PRDM5: variants seen among roughly 807,000 people sequenced by gnomAD.
PRDM5 encodes the protein PR/SET domain 5, also known as PR domain zinc finger protein 5.
Under a neutral mutation model 81.2 loss-of-function variants are expected in PRDM5, and 56 were observed. That is an observed-to-expected ratio of 0.69 (90% CI 0.56 to 0.86). The LOEUF (loss-of-function observed/expected upper bound fraction) is 0.86, where lower values mean the gene tolerates loss of function less well. PRDM5 is among the 40% of genes least tolerant of loss of function. The probability of loss-of-function intolerance (pLI) is 0.00; values close to 1 mark genes in which losing one functional copy is unlikely to be tolerated. For missense variants in PRDM5, 697 were observed against 770.1 expected, an observed-to-expected ratio of 0.91 and a Z score of 1.12; for synonymous variants, 267 against 256.4, an observed-to-expected ratio of 1.04 and a Z score of -0.39.
At chr4:120,837,098 C>A (rs1237190836) in intron 3 of PRDM5, among the ~76,000 whole-genome samples, 2 of 152,154 alleles carry the variant, frequency 1.3e-5, no homozygotes, top group Non-Finnish European at 2.9e-5. Context: ...AATTGCCATG[C>A]CTGACTGTCA....
intron 2 of PRDM5, among the ~76,000 whole-genome samples, chr4:120,893,077 C>T (rs11723050): frequency 0.43 from 65,332 of 152,090 alleles, 16,068 homozygotes; most frequent in Non-Finnish European, 0.52. Flanking sequence ...ATTAAAGTCC[C>T]CTTGGACTCA....
At chr4:120,739,735 C>G (rs1420751250) in intron 14 of PRDM5, among the ~76,000 whole-genome samples, 1 of 151,526 alleles carries the variant, frequency 6.6e-6, no homozygotes, top group Non-Finnish European at 1.5e-5. Flanking sequence ...ATCTAGCATG[C>G]CTGGACCCAA....
intron 2 of PRDM5, among the ~76,000 whole-genome samples, chr4:120,863,697 G>C (rs1241640402): frequency 6.6e-6 from 1 of 152,098 alleles, no homozygotes. Flanking sequence ...ACTCCATCTA[G>C]CGATCAAATA....
At chr4:120,761,243 C>G (rs779480050) in intron 13 of PRDM5, among the ~76,000 whole-genome samples, 23 of 152,118 alleles carry the variant, frequency 1.5e-4, no homozygotes, top group Non-Finnish European at 2.4e-4. Flanking sequence ...TTTCCAAAGG[C>G]AGCCAGTAGT....
chr4:120,742,635 A>C (rs1035848143), intron 14 of PRDM5, among the ~76,000 whole-genome samples: 4 of 152,248 alleles, frequency 2.6e-5, no homozygotes, highest in African/African-American at 4.8e-5. Flanking sequence ...GAAGAATGCA[A>C]AAGCCTCAGG....
At chr4:120,845,373 G>T (rs895699743) in intron 3 of PRDM5, among the ~76,000 whole-genome samples, 2 of 152,174 alleles carry the variant, frequency 1.3e-5, no homozygotes, top group African/African-American at 4.8e-5. Context: ...GTCTAATGCT[G>T]CAGGTGACTT....
chr4:120,888,764 TTG>T (rs1455362634), intron 2 of PRDM5, among the ~76,000 whole-genome samples: 2 of 152,216 alleles, frequency 1.3e-5, no homozygotes, highest in African/African-American at 4.8e-5. Flanking sequence ...ACATTTGACA[TTG>T]TCTTTTTAAT....
At chr4:120,801,889 T>C (rs1419260661) in intron 8 of PRDM5, among the ~76,000 whole-genome samples, 3 of 152,176 alleles carry the variant, frequency 2.0e-5, no homozygotes, top group Non-Finnish European at 2.9e-5. Flanking sequence ...ATATATATAA[T>C]TTTATAATGA....
Position 120,759,862 on chromosome 4 carries a change from T to A in PRDM5, c.1538-5224A>T, listed in dbSNP as rs1015189370. ...TTAATCTGAAAATTAGCCAAAAAAG[T>A]AGCTAAAAACAAATCTAAATGGAAA... is the stretch of plus-strand genomic sequence containing the variant. On this transcript the variant is annotated intron_variant, in intron 13 of 15. Coordinates refer to ENST00000264808, the MANE Select transcript of PRDM5 (RefSeq NM_018699.4). 8.5e-5 allele frequency among the ~76,000 whole-genome samples: 13 copies of A among 152,320 alleles called. 1 individual carries two copies. The highest frequency in any genetic ancestry group is 7.2e-4 in the Admixed American group (11 of 15,290).
At chr4:120,720,302 T>C (rs1738409923) in intron 14 of PRDM5, among the ~76,000 whole-genome samples, 2 of 152,190 alleles carry the variant, frequency 1.3e-5, no homozygotes, top group African/African-American at 2.4e-5. Context: ...CTCCTCACCA[T>C]GGCAGAGGCT....
chr4:120,751,556 T>C (rs561748102), intron 14 of PRDM5, among the ~76,000 whole-genome samples: 109 of 151,440 alleles, frequency 7.2e-4, no homozygotes, highest in African/African-American at 2.6e-3. Context: ...AGACTACAGA[T>C]CTAAGCTGCA....
intron 15 of PRDM5, among the ~76,000 whole-genome samples, chr4:120,703,833 CA>C (rs1268804064): frequency 1.3e-5 from 2 of 152,094 alleles, no homozygotes; most frequent in Non-Finnish European, 2.9e-5. Context: ...TCCTCCCTCC[CA>C]AGGGCCAACT....
intron 14 of PRDM5, among the ~76,000 whole-genome samples, chr4:120,732,993 A>G (rs1740488587): frequency 6.6e-6 from 1 of 152,266 alleles, no homozygotes; most frequent in South Asian, 2.1e-4. Flanking sequence ...AGCTAGTAAT[A>G]GCAAATACCT....
chr4:120,802,360 C>T (rs1183280889), intron 8 of PRDM5, among the ~76,000 whole-genome samples: 1 of 152,186 alleles, frequency 6.6e-6, no homozygotes, highest in Non-Finnish European at 1.5e-5. Flanking sequence ...GCATTTCCAA[C>T]TGAGGTACCG....
intron 10 of PRDM5, among the ~76,000 whole-genome samples, chr4:120,789,835 T>G (rs779625478): frequency 6.6e-6 from 1 of 152,138 alleles, no homozygotes; most frequent in Admixed American, 6.5e-5. Flanking sequence ...TCACTCCACA[T>G]AGAGAAGTTA....
At chr4:120,851,139 TAATAGGC>T (rs1759215711) in intron 3 of PRDM5, among the ~76,000 whole-genome samples, 1 of 152,072 alleles carries the variant, frequency 6.6e-6, no homozygotes, top group Admixed American at 6.6e-5. Flanking sequence ...TCTACAGAAA[TAATAGGC>T]AATAGGAAGA....
At chr4:120,818,568 C>T (rs1356548109) in intron 4 of PRDM5, 41 bp from the exon 5 acceptor site, 2 of 1,555,680 alleles carry the variant, frequency 1.3e-6, no homozygotes, top group South Asian at 2.2e-5. Context: ...GACAAAAATT[C>T]AGAGCCAAGA....
chr4:120,754,828 T>G (rs1744499118), intron 13 of PRDM5, among the ~76,000 whole-genome samples, 190 bp from the exon 14 acceptor site: 1 of 152,132 alleles, frequency 6.6e-6, no homozygotes, highest in Non-Finnish European at 1.5e-5. Context: ...TGGCCTCCCC[T>G]CCTGTGGAGA....
At chr4:120,858,422 G>GAC (rs1375354002) in intron 2 of PRDM5, among the ~76,000 whole-genome samples, 1 of 152,160 alleles carries the variant, frequency 6.6e-6, no homozygotes, top group Non-Finnish European at 1.5e-5. Flanking sequence ...ACCAAAGGGA[G>GAC]ACACACTTTC....
Sources: allele counts gnomAD v4.1 joint callset (sites outside exome capture counted in the v4.1 genomes callset), GRCh38; gene constraint gnomAD v4.1.1; transcripts MANE v1.5; gene names NCBI Gene and HGNC (gene_info 2026-07-23, HGNC 2026-07-21).